The following LAMA2 variants were observed in gnomAD, a reference collection of about 807,000 sequenced individuals.
LAMA2 encodes laminin subunit alpha-2.
A neutral mutation model predicts 364.8 loss-of-function variants in LAMA2; 269 were observed. The observed-to-expected ratio is 0.74, with a 90% CI of 0.67 to 0.82. The LOEUF (loss-of-function observed/expected upper bound fraction) is 0.82. Among genes scored for constraint, LAMA2 ranks in the 40% least tolerant of loss-of-function variants. The pLI is 0.00. For synonymous variants in LAMA2, 1,379 were observed against 1,370.6 expected (o/e 1.01, Z -0.14); for missense variants, 3,807 against 3,873.2 (o/e 0.98, Z 0.45).
intron 53 of LAMA2, among the ~76,000 whole-genome samples, chr6:129,476,087 G>T (rs555341429): frequency 6.6e-6 from 1 of 152,252 alleles, no homozygotes; most frequent in South Asian, 2.1e-4. Flanking sequence ...TAGCATAAAA[G>T]CTGTGAGCAA....
chr6:129,435,621 T>C (rs1269401529), intron 41 of LAMA2, among the ~76,000 whole-genome samples: 1 of 152,186 alleles, frequency 6.6e-6, no homozygotes, highest in Non-Finnish European at 1.5e-5. Context: ...TTTTCAGTGA[T>C]GTCAGGTCTT....
chr6:129,108,851 A>G (rs577195852), intron 4 of LAMA2, among the ~76,000 whole-genome samples: 11 of 152,168 alleles, frequency 7.2e-5, no homozygotes, highest in Non-Finnish European at 1.5e-4. Context: ...AACAAATACT[A>G]TAAACACATA....
Position 129,248,134 on chromosome 6 carries a change from T to C in LAMA2, c.1783-1978T>C, listed in dbSNP as rs566343652. On this transcript the variant is annotated intron_variant, in intron 12 of 64. Coordinates refer to ENST00000421865, the MANE Select transcript of LAMA2 (RefSeq NM_000426.4). ...GATTCTCACAGGAGCAGGAACCTTA[T>C]TGTGAACTGCGCATGCGAGGGATCT... Among the ~76,000 whole-genome samples, 3 of 152,250 alleles carry C rather than the reference T, an allele frequency of 2.0e-5. No homozygotes were observed. In the South Asian group the frequency reaches 6.2e-4, roughly 32 times the overall value.
At position 129,130,445 on chromosome 6, in the gene LAMA2, T is replaced by G. The variant is rs117929166; in HGVS notation, c.640-13456T>G. Among the ~76,000 whole-genome samples the G allele has an allele frequency of 4.6e-3, 705 of 152,352 alleles. 4 individuals are homozygous for G. The highest frequency in any genetic ancestry group is 7.4e-3 in the Non-Finnish European group (503 of 68,032). On this transcript the variant is annotated intron_variant, in intron 4 of 64. Coordinates refer to ENST00000421865, the MANE Select transcript of LAMA2 (RefSeq NM_000426.4). ...CTCACTTTTCTTTTTCTTAAAAGAC[T>G]GCCACACTTAGCCATCTGATATGGA...
At chr6:128,976,336 C>T in intron 1 of LAMA2, among the ~76,000 whole-genome samples, 1 of 152,114 alleles carries the variant, frequency 6.6e-6, no homozygotes, top group Non-Finnish European at 1.5e-5. Flanking sequence ...TAGCCATGCT[C>T]AAGTGTCCCA....
chr6:129,458,286 C>T (rs1302847228), intron 48 of LAMA2, among the ~76,000 whole-genome samples: 1 of 152,050 alleles, frequency 6.6e-6, no homozygotes, highest in Admixed American at 6.6e-5. Flanking sequence ...ATGTGGTAGT[C>T]ACACCTTAAA....
chr6:129,259,746 G>T (rs1035881157), intron 14 of LAMA2, among the ~76,000 whole-genome samples: 1 of 151,958 alleles, frequency 6.6e-6, no homozygotes, highest in Non-Finnish European at 1.5e-5. Context: ...CATGGTGTAT[G>T]GACTATTATA....
At chr6:129,158,017 G>C in intron 8 of LAMA2, 2 of 1,613,334 alleles carry the variant, frequency 1.2e-6, no homozygotes, top group East Asian at 2.2e-5. Flanking sequence ...TTCTTGATGA[G>C]GATGTTTTTG....
intron 58 of LAMA2, 80 bp downstream of exon 58, chr6:129,492,563 A>T: frequency 8.0e-7 from 1 of 1,251,232 alleles, no homozygotes; most frequent in Middle Eastern, 1.9e-4. Flanking sequence ...ATTATTCAGG[A>T]TATCTAGTAC....
At chr6:128,888,152 A>T (rs1471286293) in intron 1 of LAMA2, among the ~76,000 whole-genome samples, 1 of 152,206 alleles carries the variant, frequency 6.6e-6, no homozygotes, top group Non-Finnish European at 1.5e-5. Flanking sequence ...GACAGAGTTT[A>T]GAGAAAGATA....
chr6:129,115,180 A>C (rs1443731772), intron 4 of LAMA2, among the ~76,000 whole-genome samples: 1 of 152,048 alleles, frequency 6.6e-6, no homozygotes, highest in Admixed American at 6.6e-5. Context: ...TTAATTACTC[A>C]AGCCAGGAAA....
At chr6:128,952,680 C>T (rs887786481) in intron 1 of LAMA2, among the ~76,000 whole-genome samples, 1 of 152,112 alleles carries the variant, frequency 6.6e-6, no homozygotes, top group Non-Finnish European at 1.5e-5. Flanking sequence ...ATATTATTAA[C>T]ACTGTTGGAT....
Position 129,252,748 on chromosome 6 carries a change from T to C in LAMA2, c.2096+453T>C, listed in dbSNP as rs192056300. ...TAATAAGAAAAGTAAGTCTTTTCAT[T>C]TAAGTGACCACCCATCTCACTATAA... On this transcript the variant is annotated intron_variant, in intron 14 of 64. Transcript: ENST00000421865. 3.4e-3 allele frequency among the ~76,000 whole-genome samples: 506 copies of C among 150,560 alleles called. 6 individuals are homozygous for C. Among genetic ancestry groups the C allele is most frequent in the Non-Finnish European group, 6.8e-4 (46 of 67,952 alleles).
At chr6:129,158,067 G>A in intron 8 of LAMA2, 1 of 1,612,204 alleles carries the variant, frequency 6.2e-7, no homozygotes, top group Non-Finnish European at 8.5e-7. Context: ...CTTTCCTTGG[G>A]TGCCATACGT....
At chr6:129,278,883 CAGAACTACCCTGAGTTAAGCCAG>C (rs1395578202) in intron 17 of LAMA2, among the ~76,000 whole-genome samples, 2 of 152,140 alleles carry the variant, frequency 1.3e-5, no homozygotes. Flanking sequence ...TAAATCTTTA[CAGAACTACCCTGAGTTAAGCCAG>C]AGAAATACTA....
intron 1 of LAMA2, among the ~76,000 whole-genome samples, chr6:129,043,789 C>T (rs75261374): frequency 0.11 from 16,612 of 151,906 alleles, 1,045 homozygotes; most frequent in Middle Eastern, 0.2. Context: ...TTTTTGTTGT[C>T]GCATCAGTTG....
At chr6:129,492,615 C>A in intron 58 of LAMA2, 132 bp downstream of exon 58, 1 of 806,968 alleles carries the variant, frequency 1.2e-6, no homozygotes, top group Non-Finnish European at 2.0e-6. Context: ...CTATCTAAAC[C>A]TATTCTTACA....
At chr6:128,982,359 G>A (rs1219767561) in intron 1 of LAMA2, among the ~76,000 whole-genome samples, 1 of 152,080 alleles carries the variant, frequency 6.6e-6, no homozygotes, top group Non-Finnish European at 1.5e-5. Flanking sequence ...TATTTATGTG[G>A]TGTTTGCGTT....
intron 40 of LAMA2, among the ~76,000 whole-genome samples, chr6:129,406,986 A>G (rs1780280067): frequency 6.6e-6 from 1 of 152,200 alleles, no homozygotes; most frequent in African/African-American, 2.4e-5. Context: ...AAAGCTGAAG[A>G]ACTTGGAGTG....
Sources: allele counts gnomAD v4.1 joint callset (sites outside exome capture counted in the v4.1 genomes callset), GRCh38; gene constraint gnomAD v4.1.1; transcripts MANE v1.5; gene names NCBI Gene and HGNC (gene_info 2026-07-23, HGNC 2026-07-21).